Variants in ZMYM1 observed in about 807,000 individuals in gnomAD.
The protein encoded by ZMYM1 is zinc finger MYM-type protein 1.
A neutral mutation model predicts 60.0 loss-of-function variants in ZMYM1; 39 were observed. That is an observed-to-expected ratio of 0.65 (90% CI 0.50 to 0.85). The LOEUF (loss-of-function observed/expected upper bound fraction) is 0.85. Ranked by LOEUF, ZMYM1 falls within the 40% of genes least tolerant of loss-of-function variation. ZMYM1 has a pLI of 0.00. For synonymous variants in ZMYM1, 413 were observed against 454.0 expected (o/e 0.91, Z 1.15); for missense variants, 1,171 against 1,309.5 (o/e 0.89, Z 1.63).
intron 1 of ZMYM1, among the ~76,000 whole-genome samples, chr1:35,064,555 T>G (rs1641935937): frequency 6.6e-6 from 1 of 151,776 alleles, no homozygotes; most frequent in Non-Finnish European, 1.5e-5. Flanking sequence ...TCCTGGGTTA[T>G]AAAACCATAA....
intron 2 of ZMYM1, among the ~76,000 whole-genome samples, chr1:35,094,483 T>C (rs1643202209): frequency 6.6e-6 from 1 of 152,166 alleles, no homozygotes; most frequent in Admixed American, 6.5e-5. Context: ...TTTTTAGACA[T>C]ATCACTAAAG....
chr1:35,075,427 G>A (rs1272729705), upstream of ZMYM1, among the ~76,000 whole-genome samples: 2 of 151,966 alleles, frequency 1.3e-5, no homozygotes, highest in Non-Finnish European at 2.9e-5. Flanking sequence ...TGCCTCCTGG[G>A]TTCAAGTGAT....
Position 35,113,552 on chromosome 1 carries a change from C to T in ZMYM1, c.1722C>T (p.Asn574=), listed in dbSNP as rs376672517. The T allele has an allele frequency of 1.9e-4, 309 of 1,613,320 alleles. 1 individual carries two copies. In the Admixed American group the frequency reaches 2.6e-3, roughly 14 times the overall value. ...AGCAGTGTTTACCCTTAAGAGGAAA[C>T]GACCAGTCAGTTTCATCTGTGAATA... is the stretch of plus-strand genomic sequence containing the variant. The part of the protein sequence containing the change: ...LGKQCLPLRG[N]DQSVSSVNKG... Residue 574 remains asparagine (N), a synonymous_variant, in exon 10 of 10, where the codon AAC becomes AAT. Transcript: ENST00000359858.
At chr1:35,112,950 A>G in intron 9 of ZMYM1, 27 bp from the exon 10 acceptor site, 2 of 1,490,770 alleles carry the variant, frequency 1.3e-6, no homozygotes, top group Non-Finnish European at 1.8e-6. Flanking sequence ...AAACTGTTAA[A>G]TGTTCTTTTC....
At chr1:35,117,067 G>A (rs1408732172), downstream of ZMYM1, among the ~76,000 whole-genome samples, 11 of 149,358 alleles carry the variant, frequency 7.4e-5, no homozygotes, top group East Asian at 6.0e-4. Flanking sequence ...TCCTGACCTC[G>A]TGATCCGCCC....
At chr1:35,098,695 T>TGGG (rs1436682571) in intron 4 of ZMYM1, among the ~76,000 whole-genome samples, 1 of 152,036 alleles carries the variant, frequency 6.6e-6, no homozygotes, top group African/African-American at 2.4e-5. Context: ...ATGCCTGAGC[T>TGGG]CAGGAGTTTG....
At chr1:35,094,164 C>G in intron 2 of ZMYM1, 81 bp downstream of exon 2, 3 of 1,212,492 alleles carry the variant, frequency 2.5e-6, no homozygotes, top group Non-Finnish European at 3.4e-6. Context: ...TGAAATGATT[C>G]ATTGAAAAAC....
At position 35,103,489 on chromosome 1, in the gene ZMYM1, T is replaced by C. The variant is rs148339632; in HGVS notation, c.420-806T>C. On this transcript the variant is annotated intron_variant, in intron 4 of 9. Coordinates refer to ENST00000359858, the MANE Select transcript of ZMYM1 (RefSeq NM_024772.5). ...TAACATGTATCAGTACTTTATTCTT[T>C]TTGTTAATAGGCGAATAATATTCCA... Among the ~76,000 whole-genome samples the C allele has an allele frequency of 2.6e-5, 4 of 152,374 alleles. No homozygotes were observed. The East Asian group carries it at 5.8e-4, about 22-fold the overall frequency.
chr1:35,114,702 T>TC lies in ZMYM1; in HGVS notation c.2873dup (p.Thr959AsnfsTer6). 1 of 1,580,168 alleles carries TC rather than the reference T, an allele frequency of 6.3e-7. No homozygotes were observed. Among genetic ancestry groups the TC allele is most frequent in the South Asian group, 1.2e-5 (1 of 84,872 alleles). ...TTCAGATAATATGTTTTTTCCTACTTCAACAGAAGAACAATATAAAATTAA... is the reference window on the plus strand; with the variant it reads ...TTCAGATAATATGTTTTTTCCTACTTCCAACAGAAGAACAATATAAAATTAA... On this transcript the variant is annotated frameshift_variant, in exon 10 of 10. Transcript: ENST00000359858. LOFTEE classifies it low-confidence loss of function (END_TRUNC).
At chr1:35,084,821 T>A (rs996341392) in intron 1 of ZMYM1, among the ~76,000 whole-genome samples, 9 of 152,156 alleles carry the variant, frequency 5.9e-5, no homozygotes, top group African/African-American at 2.2e-4. Context: ...ATTATTTTTC[T>A]GTAGTTCCCT....
chr1:35,112,149 T>C lies in ZMYM1; in HGVS notation c.1146+19T>C, dbSNP rs1644109736. 6.2e-7 allele frequency: 1 copy of C among 1,611,902 alleles called. No homozygotes were observed. The highest frequency in any genetic ancestry group is 8.5e-7 in the Non-Finnish European group (1 of 1,178,744). On this transcript the variant is annotated intron_variant, in intron 9 of 9. Coordinates refer to ENST00000359858, the MANE Select transcript of ZMYM1 (RefSeq NM_024772.5). ...TGTGGATGTAAGTTTTAACTTTTTTTACCACTGTCTTTTTTTAATAAGCAG... is the reference window on the plus strand; with the variant it reads ...TGTGGATGTAAGTTTTAACTTTTTTCACCACTGTCTTTTTTTAATAAGCAG...
rs1644209560 is a variant in ZMYM1, at chr1:35,114,687, A to G, written c.2857A>G (p.Met953Val). Residue 953 changes from methionine (M) to valine (V), a missense_variant, in exon 10 of 10, where the codon ATG becomes GTG. Met to Val is a conservative substitution (Grantham distance 21). Transcript: ENST00000359858. ...AGTAGATCTTGGCAATTCAGATAAT[A>G]TGTTTTTTCCTACTTCAACAGAAGA... ...KSVDLGNSDN[M>V]FFPTSTEEQY... The G allele has an allele frequency of 1.1e-5, 18 of 1,586,556 alleles. No individual in the cohort carries two copies. Among genetic ancestry groups the G allele is most frequent in the Non-Finnish European group, 1.4e-5 (16 of 1,171,834 alleles).
chr1:35,084,191 T>A (rs1305754991), intron 1 of ZMYM1, among the ~76,000 whole-genome samples: 1 of 152,078 alleles, frequency 6.6e-6, no homozygotes, highest in East Asian at 1.9e-4. Context: ...TTTTTTTTTT[T>A]TTTTTGATGG....
chr1:35,109,599 C>T (rs1367652093), intron 6 of ZMYM1, among the ~76,000 whole-genome samples: 2 of 152,284 alleles, frequency 1.3e-5, no homozygotes, highest in African/African-American at 4.8e-5. Context: ...AGCACTCCTT[C>T]CTGGCTCCTC....
intron 1 of ZMYM1, among the ~76,000 whole-genome samples, chr1:35,088,900 C>T (rs1242617426): frequency 1.3e-5 from 2 of 151,102 alleles, no homozygotes; most frequent in Non-Finnish European, 2.9e-5. Flanking sequence ...CAACCTCTGC[C>T]TCCCAGATTC....
chr1:35,088,007 C>A (rs183634205), intron 1 of ZMYM1, among the ~76,000 whole-genome samples: 180 of 152,086 alleles, frequency 1.2e-3, no homozygotes, highest in African/African-American at 4.0e-3. Flanking sequence ...TTGCAGTGAG[C>A]TGAGATTATG....
chr1:35,085,282 T>C (rs1642596695), intron 1 of ZMYM1, among the ~76,000 whole-genome samples: 1 of 152,042 alleles, frequency 6.6e-6, no homozygotes, highest in Admixed American at 6.6e-5. Context: ...CTCCTGACCT[T>C]GTGATCCACC....
rs746800648 is a variant in ZMYM1 at position 35,114,668 on chromosome 1, T to A, written c.2838T>A (p.Asp946Glu). 3.8e-6 allele frequency: 6 copies of A among 1,590,960 alleles called. No individual in the cohort carries two copies. The South Asian group carries it at 5.8e-5, about 15-fold the overall frequency. ...QKRRKIQKSV[D>E]LGNSDNMFFP... ...GAAGAAAAATTCAGAAATCAGTAGA[T>A]CTTGGCAATTCAGATAATATGTTTT... is the stretch of plus-strand genomic sequence containing the variant. Residue 946 changes from aspartate (D) to glutamate (E), a missense_variant, in exon 10 of 10, where the codon GAT (aspartate) becomes GAA (glutamate). Coordinates refer to ENST00000359858, the MANE Select transcript of ZMYM1 (RefSeq NM_024772.5).
At chr1:35,077,763 C>T (rs1423051894), upstream of ZMYM1, among the ~76,000 whole-genome samples, 1 of 152,166 alleles carries the variant, frequency 6.6e-6, no homozygotes, top group Non-Finnish European at 1.5e-5. Flanking sequence ...ACCAGTTGTC[C>T]TTAAAAACTC....
Sources: gnomAD v4.1 joint callset for allele counts (sites outside exome capture counted in the v4.1 genomes callset) on GRCh38, gnomAD v4.1.1 for gene constraint, MANE v1.5 for transcripts, NCBI Gene and HGNC (gene_info 2026-07-23, HGNC 2026-07-21) for gene names.